Variants in RARB observed in about 807,000 individuals in gnomAD.
RARB encodes HBV-activated protein.
RARB carries 17 observed loss-of-function variants against 51.9 expected under a neutral mutation model. The ratio of observed to expected loss-of-function variants is 0.33; its 90% CI spans 0.22 to 0.49. The LOEUF is 0.49. RARB is among the 20% of genes least tolerant of loss of function. RARB has a pLI of 0.99. For missense variants in RARB, 369 were observed against 550.8 expected, an observed-to-expected ratio of 0.67 and a Z score of 3.30; for synonymous variants, 215 against 195.4, an observed-to-expected ratio of 1.10 and a Z score of -0.84.
chr3:24,983,830 C>CT (rs1342400172), intron 2 of RARB, among the ~76,000 whole-genome samples: 4 of 151,868 alleles, frequency 2.6e-5, no homozygotes, highest in Non-Finnish European at 4.4e-5. Context: ...AGAGGGAGTT[C>CT]TTTACCTAAG....
chr3:24,881,314 C>A (rs1221554703), intron 2 of RARB, among the ~76,000 whole-genome samples: 1 of 136,530 alleles, frequency 7.3e-6, no homozygotes, highest in Non-Finnish European at 1.5e-5. Flanking sequence ...ACTACAAGAT[C>A]TTCGTTTTTA....
chr3:25,292,343 C>A (rs1703809622), intron 5 of RARB, among the ~76,000 whole-genome samples: 1 of 152,130 alleles, frequency 6.6e-6, no homozygotes, highest in Admixed American at 6.6e-5. Context: ...CCCGATGTCA[C>A]AGAGTCTAAA....
chr3:25,592,218 G>C (rs1267418761), intron 5 of RARB, among the ~76,000 whole-genome samples: 5 of 152,206 alleles, frequency 3.3e-5, no homozygotes, highest in African/African-American at 1.2e-4. Flanking sequence ...AATAATGCAG[G>C]CCTTTCTGAT....
chr3:24,944,579 C>G (rs1043208825), intron 2 of RARB, among the ~76,000 whole-genome samples: 5 of 152,072 alleles, frequency 3.3e-5, no homozygotes, highest in Admixed American at 1.3e-4. Flanking sequence ...AATGCCTGAC[C>G]CTGTGCCTGT....
intron 5 of RARB, among the ~76,000 whole-genome samples, chr3:25,292,688 A>T (rs533659462): frequency 2.6e-5 from 4 of 152,028 alleles, no homozygotes; most frequent in Non-Finnish European, 5.9e-5. Flanking sequence ...CAGAAGCTAG[A>T]CTCCTCAGGA....
chr3:25,373,274 GAA>G (rs1484433051), intron 5 of RARB, among the ~76,000 whole-genome samples: 1 of 152,116 alleles, frequency 6.6e-6, no homozygotes, highest in Non-Finnish European at 1.5e-5. Flanking sequence ...GAGAGAGAAA[GAA>G]AGACAGTACT....
intron 5 of RARB, among the ~76,000 whole-genome samples, chr3:25,585,548 A>G (rs931790604): frequency 9.9e-5 from 15 of 152,226 alleles, no homozygotes; most frequent in African/African-American, 3.6e-4. Context: ...GCAAGGGATA[A>G]TGATTCACTT....
chr3:25,161,700 A>G (rs923213127), intron 4 of RARB, among the ~76,000 whole-genome samples: 3 of 152,180 alleles, frequency 2.0e-5, no homozygotes, highest in African/African-American at 7.2e-5. Context: ...ATCTCTTTGC[A>G]GAGCTAGTTT....
At chr3:24,971,118 A>T (rs1171333971) in intron 2 of RARB, among the ~76,000 whole-genome samples, 1 of 151,980 alleles carries the variant, frequency 6.6e-6, no homozygotes, top group Non-Finnish European at 1.5e-5. Context: ...AACAGGTGAG[A>T]TCATATAAAT....
chr3:25,503,342 T>G (rs1697410096), intron 3 of RARB, among the ~76,000 whole-genome samples: 1 of 152,192 alleles, frequency 6.6e-6, no homozygotes. Context: ...GCACACAGCA[T>G]TTCTGTGGGA....
At chr3:25,408,807 G>A (rs1253975022) in intron 5 of RARB, among the ~76,000 whole-genome samples, 8 of 152,094 alleles carry the variant, frequency 5.3e-5, no homozygotes, top group Non-Finnish European at 7.4e-5. Context: ...AGGCTGAGGC[G>A]GGCAGATCAC....
At chr3:25,228,590 C>A (rs963903244) in intron 5 of RARB, among the ~76,000 whole-genome samples, 1 of 151,648 alleles carries the variant, frequency 6.6e-6, no homozygotes, top group African/African-American at 2.4e-5. Context: ...GAGTATTTGT[C>A]TGTAGTCCTT....
At chr3:25,445,734 T>C (rs1323290700) in intron 1 of RARB, among the ~76,000 whole-genome samples, 1 of 152,132 alleles carries the variant, frequency 6.6e-6, no homozygotes, top group African/African-American at 2.4e-5. Flanking sequence ...GTGAGAGTTA[T>C]TATTTATAAA....
intron 5 of RARB, among the ~76,000 whole-genome samples, chr3:25,221,291 G>A (rs758642933): frequency 2.0e-5 from 3 of 149,554 alleles, no homozygotes; most frequent in Non-Finnish European, 2.9e-5. Context: ...GTCTAATTGA[G>A]ACAACTCTCT....
At chr3:25,468,553 GT>G (rs1695546794) in intron 2 of RARB, among the ~76,000 whole-genome samples, 2 of 107,334 alleles carry the variant, frequency 1.9e-5, no homozygotes, top group South Asian at 6.0e-4. Context: ...TCCTTTTCCT[GT>G]TAAAAAAAAC....
At chr3:25,466,891 T>A (rs1337138320) in intron 2 of RARB, among the ~76,000 whole-genome samples, 1 of 152,232 alleles carries the variant, frequency 6.6e-6, no homozygotes, top group Non-Finnish European at 1.5e-5. Context: ...ATTTGGCCCT[T>A]GATGATGTTA....
chr3:25,346,201 T>G (rs1408964068), intron 5 of RARB, among the ~76,000 whole-genome samples: 1 of 152,184 alleles, frequency 6.6e-6, no homozygotes, highest in African/African-American at 2.4e-5. Flanking sequence ...GTCTCTAAAT[T>G]CTTTTTTGCC....
intron 5 of RARB, among the ~76,000 whole-genome samples, chr3:25,419,185 C>T (rs1575387175): frequency 6.6e-6 from 1 of 152,098 alleles, no homozygotes; most frequent in East Asian, 1.9e-4. Context: ...CCTGTGTCTT[C>T]CGAGACAACG....
At chr3:25,324,687 GC>G in intron 5 of RARB, 1 of 159,090 alleles carries the variant, frequency 6.3e-6, no homozygotes, top group Non-Finnish European at 1.4e-5. Flanking sequence ...ACATCTGGAA[GC>G]CCCAGACCTG....
Sources: allele counts gnomAD v4.1 joint callset (sites outside exome capture counted in the v4.1 genomes callset), GRCh38; gene constraint gnomAD v4.1.1; transcripts MANE v1.5; gene names NCBI Gene and HGNC (gene_info 2026-07-23, HGNC 2026-07-21).